The following ERC2 variants were observed in gnomAD, a reference collection of about 807,000 sequenced individuals.
ERC2 encodes ERC protein 2.
A neutral mutation model predicts 114.8 loss-of-function variants in ERC2; 42 were observed. The ratio of observed to expected loss-of-function variants is 0.37; its 90% CI spans 0.29 to 0.47. ERC2 has a LOEUF of 0.47. Among genes scored for constraint, ERC2 ranks in the 20% least tolerant of loss-of-function variants. ERC2 has a pLI of 0.99. For missense variants in ERC2, 939 were observed against 1,150.7 expected, an observed-to-expected ratio of 0.82 and a Z score of 2.66; for synonymous variants, 454 against 425.5, an observed-to-expected ratio of 1.07 and a Z score of -0.82.
chr3:56,343,192 T>TCTCTCTCACACACACACA (rs1376220124), intron 2 of ERC2, among the ~76,000 whole-genome samples: 4 of 126,130 alleles, frequency 3.2e-5, no homozygotes, highest in African/African-American at 9.1e-5. Context: ...TCTCTCTCTC[T>TCTCTCTCACACACACACA]CACACACACA....
At chr3:56,124,637 A>C (rs943878578) in intron 6 of ERC2, among the ~76,000 whole-genome samples, 1 of 152,246 alleles carries the variant, frequency 6.6e-6, no homozygotes, top group African/African-American at 2.4e-5. Flanking sequence ...TCCATTCTCA[A>C]GAAACTGAGA....
chr3:56,308,805 T>C (rs201367594), intron 2 of ERC2, among the ~76,000 whole-genome samples: 2 of 151,204 alleles, frequency 1.3e-5, no homozygotes, highest in Non-Finnish European at 3.0e-5. Context: ...TTTTTTTTTT[T>C]AATAAATCCA....
rs1235734901 is a variant in ERC2, at chr3:55,508,556, C to A, written c.*2760G>T. The A allele has an allele frequency of 1.3e-5, 2 of 152,440 alleles. No homozygotes were observed. Among genetic ancestry groups the A allele is most frequent in the Non-Finnish European group, 2.9e-5 (2 of 68,014 alleles). The allele number at this position is 152,440 out of a possible 1,614,324, so 9.4% of individuals were successfully genotyped here. ...TCAATATCACAACCCACATGCCACTCACTTGAAGAAATATTACAAGAAGCA... is the reference window on the plus strand; with the variant it reads ...TCAATATCACAACCCACATGCCACTAACTTGAAGAAATATTACAAGAAGCA... On this transcript the variant is annotated 3_prime_UTR_variant, in exon 18 of 18. Transcript: ENST00000288221.
chr3:56,315,137 A>G (rs368136802), intron 2 of ERC2, among the ~76,000 whole-genome samples: 1 of 152,298 alleles, frequency 6.6e-6, no homozygotes, highest in East Asian at 1.9e-4. Context: ...GACACATTCC[A>G]ACCAAGATGA....
chr3:55,666,624 T>C (rs7626491), intron 17 of ERC2, among the ~76,000 whole-genome samples: 97,414 of 151,880 alleles, frequency 0.64, 31,364 homozygotes, highest in Admixed American at 0.67. Context: ...TTTTGGTTGT[T>C]ACAACTAGGG....
chr3:55,783,360 GCTAAGGTAAGGT>G (rs1441832435), intron 14 of ERC2, among the ~76,000 whole-genome samples: 1 of 152,122 alleles, frequency 6.6e-6, no homozygotes, highest in Non-Finnish European at 1.5e-5. Context: ...AGATCACAGG[GCTAAGGTAAGGT>G]CTAAGGTAAG....
chr3:55,845,121 C>T (rs1267854044), intron 14 of ERC2, among the ~76,000 whole-genome samples: 2 of 152,134 alleles, frequency 1.3e-5, no homozygotes, highest in Non-Finnish European at 2.9e-5. Context: ...GCTCACCTGC[C>T]ACTCATCTCC....
chr3:56,216,249 A>G (rs1334107381), intron 3 of ERC2, among the ~76,000 whole-genome samples: 1 of 152,230 alleles, frequency 6.6e-6, no homozygotes, highest in Non-Finnish European at 1.5e-5. Flanking sequence ...ACTGCTAGTA[A>G]GACTAATAAA....
intron 17 of ERC2, among the ~76,000 whole-genome samples, chr3:55,596,452 G>A (rs757276324): frequency 6.6e-6 from 1 of 151,976 alleles, no homozygotes; most frequent in Non-Finnish European, 1.5e-5. Flanking sequence ...GGTGACATAT[G>A]CCTGTGGTCC....
rs201355691 is a variant in ERC2 at position 55,639,122 on chromosome 3, TCAAA to T, written c.*39+44668_*39+44671del. ...ATGTGCATAGAGGTGGAGGAAGTTC[TCAAA>T]CAAAGAGTTGAAAGAAGTGTGTAGG... On this transcript the variant is annotated intron_variant, in intron 17 of 17. Coordinates refer to ENST00000288221, the MANE Select transcript of ERC2 (RefSeq NM_015576.3). 9.1e-4 allele frequency among the ~76,000 whole-genome samples: 138 copies of T among 152,330 alleles called. 2 individuals are homozygous for T. In the East Asian group the frequency reaches 0.024, roughly 26 times the overall value.
At chr3:56,084,423 C>A (rs570433679) in intron 6 of ERC2, among the ~76,000 whole-genome samples, 3 of 152,240 alleles carry the variant, frequency 2.0e-5, no homozygotes, top group Admixed American at 2.0e-4. Flanking sequence ...TATCACAGCA[C>A]AATTCACATT....
chr3:55,700,747 C>T (rs536277639), intron 15 of ERC2, among the ~76,000 whole-genome samples: 2 of 152,224 alleles, frequency 1.3e-5, no homozygotes, highest in East Asian at 1.9e-4. Flanking sequence ...CTGGGTGACA[C>T]GTGCCTCCTG....
At chr3:56,453,601 C>A (rs2062922357) in intron 1 of ERC2, among the ~76,000 whole-genome samples, 1 of 152,204 alleles carries the variant, frequency 6.6e-6, no homozygotes, top group Admixed American at 6.5e-5. Context: ...ATCATCCATT[C>A]CATGACAGAA....
At chr3:56,068,967 C>T (rs2076604418) in intron 7 of ERC2, among the ~76,000 whole-genome samples, 1 of 152,080 alleles carries the variant, frequency 6.6e-6, no homozygotes, top group African/African-American at 2.4e-5. Flanking sequence ...ATTTTGTGAT[C>T]GATTTTAGAG....
chr3:56,112,529 C>T (rs1042475212), intron 6 of ERC2, among the ~76,000 whole-genome samples: 1 of 151,866 alleles, frequency 6.6e-6, no homozygotes, highest in Non-Finnish European at 1.5e-5. Context: ...GAGAGACCAT[C>T]AATTCCTCTT....
At chr3:56,240,148 G>A (rs2051230833) in intron 3 of ERC2, among the ~76,000 whole-genome samples, 1 of 151,798 alleles carries the variant, frequency 6.6e-6, no homozygotes, top group South Asian at 2.1e-4. Context: ...TAAATCCTGT[G>A]CTTCTAACAA....
intron 3 of ERC2, among the ~76,000 whole-genome samples, chr3:56,191,448 G>C (rs965900564): frequency 6.6e-6 from 1 of 152,142 alleles, no homozygotes; most frequent in African/African-American, 2.4e-5. Flanking sequence ...GCCTGAGCCA[G>C]TTTAGGTCTT....
intron 2 of ERC2, among the ~76,000 whole-genome samples, chr3:56,372,873 C>T (rs1460049718): frequency 2.0e-5 from 3 of 152,190 alleles, no homozygotes; most frequent in Non-Finnish European, 2.9e-5. Context: ...ATTTGACTGA[C>T]CACCTAACTA....
intron 17 of ERC2, among the ~76,000 whole-genome samples, chr3:55,652,844 T>G (rs1164140033): frequency 2.8e-5 from 3 of 107,800 alleles, no homozygotes. Flanking sequence ...CGGGCGACAA[T>G]GCAAGACTCT....
Sources: gnomAD v4.1 joint callset for allele counts (sites outside exome capture counted in the v4.1 genomes callset) on GRCh38, gnomAD v4.1.1 for gene constraint, MANE v1.5 for transcripts, NCBI Gene and HGNC (gene_info 2026-07-23, HGNC 2026-07-21) for gene names.